The following ST8SIA1 variants were observed in gnomAD, a reference collection of about 807,000 sequenced individuals.
The protein encoded by ST8SIA1 is ST8 alpha-N-acetyl-neuraminide alpha-2,8-sialyltransferase 1.
Under a neutral mutation model 35.9 loss-of-function variants are expected in ST8SIA1, and 16 were observed. That is an observed-to-expected ratio of 0.45 (90% CI 0.30 to 0.68). The LOEUF (loss-of-function observed/expected upper bound fraction) is 0.68, where lower values mean the gene tolerates loss of function less well. Ranked by LOEUF, ST8SIA1 falls within the 30% of genes least tolerant of loss-of-function variation. The probability of loss-of-function intolerance (pLI) is 0.09; values close to 1 mark genes in which losing one functional copy is unlikely to be tolerated. For missense variants in ST8SIA1, 383 were observed against 453.6 expected (o/e 0.84, Z 1.41); for synonymous variants, 170 against 169.6 (o/e 1.00, Z -0.02).
At chr12:22,211,030 T>A (rs570791545) in intron 4 of ST8SIA1, among the ~76,000 whole-genome samples, 20 of 152,188 alleles carry the variant, frequency 1.3e-4, no homozygotes, top group Non-Finnish European at 2.1e-4. Flanking sequence ...CAGCTTGGAG[T>A]TTCTCTGAAC....
chr12:22,328,000 C>T (rs1404413061), intron 1 of ST8SIA1, among the ~76,000 whole-genome samples: 1 of 152,206 alleles, frequency 6.6e-6, no homozygotes, highest in East Asian at 1.9e-4. Context: ...AATTTTCCCC[C>T]CAGGAGGTAT....
intron 3 of ST8SIA1, among the ~76,000 whole-genome samples, chr12:22,249,461 CTGCCCGCCT>C (rs1357195049): frequency 6.6e-6 from 1 of 152,204 alleles, no homozygotes; most frequent in Non-Finnish European, 1.5e-5. Flanking sequence ...ACCTTGTGAT[CTGCCCGCCT>C]TGGCCTCCCA....
Position 22,334,043 on chromosome 12 carries a change from G to C in ST8SIA1, c.190C>G (p.Gln64Glu). ...TGGTTCCTCCTCCACGCCGTGCCCT[G>C]TTGCAGCACCCCCTGCACGATCTCT... ...EKEIVQGVLQ[Q>E]GTAWRRNQTA... is the part of the protein sequence containing the mutation. Residue 64 changes from glutamine (Q) to glutamate (E), a missense_variant, in exon 1 of 5, where the codon CAG (glutamine) becomes GAG (glutamate). Gln to Glu is a conservative substitution (Grantham distance 29). Transcript: ENST00000396037. The C allele has an allele frequency of 6.2e-7, 1 of 1,614,112 alleles. No individual in the cohort carries two copies. Among genetic ancestry groups the C allele is most frequent in the East Asian group, 2.2e-5 (1 of 44,862 alleles).
At chr12:22,204,506 C>G (rs894021380) in intron 4 of ST8SIA1, among the ~76,000 whole-genome samples, 1 of 152,132 alleles carries the variant, frequency 6.6e-6, no homozygotes, top group East Asian at 1.9e-4. Context: ...TATTCCTGTA[C>G]AGAATGGCTC....
intron 1 of ST8SIA1, among the ~76,000 whole-genome samples, chr12:22,316,991 T>C (rs1458075226): frequency 6.6e-6 from 1 of 152,136 alleles, no homozygotes; most frequent in African/African-American, 2.4e-5. Flanking sequence ...TTCATAAATA[T>C]CAGTGTAAAT....
At chr12:22,254,766 C>T (rs111613471) in intron 3 of ST8SIA1, among the ~76,000 whole-genome samples, 1 of 152,166 alleles carries the variant, frequency 6.6e-6, no homozygotes, top group African/African-American at 2.4e-5. Flanking sequence ...CTTTACCAAG[C>T]GTCCCCTCGT....
intron 1 of ST8SIA1, chr12:22,325,983 G>A (rs943891950): frequency 3.1e-6 from 2 of 647,934 alleles, no homozygotes; most frequent in African/African-American, 1.8e-5. Flanking sequence ...GGGACAAAGT[G>A]AAATCTCATC....
chr12:22,215,806 T>C (rs987156426), intron 4 of ST8SIA1, among the ~76,000 whole-genome samples: 2 of 152,184 alleles, frequency 1.3e-5, no homozygotes, highest in Non-Finnish European at 2.9e-5. Flanking sequence ...TTTCCATCTA[T>C]CTATTACAGT....
intron 1 of ST8SIA1, among the ~76,000 whole-genome samples, chr12:22,305,683 G>T (rs574792710): frequency 6.6e-6 from 1 of 152,188 alleles, no homozygotes; most frequent in African/African-American, 2.4e-5. Flanking sequence ...GCCCAGCCTA[G>T]CATACATTTT....
intron 4 of ST8SIA1, among the ~76,000 whole-genome samples, chr12:22,218,103 C>T (rs1362755863): frequency 6.6e-6 from 1 of 152,150 alleles, no homozygotes; most frequent in Non-Finnish European, 1.5e-5. Context: ...GGGGGCAGAT[C>T]ACTTGAGGCC....
At chr12:22,275,432 A>C (rs1032492522) in intron 2 of ST8SIA1, among the ~76,000 whole-genome samples, 4 of 152,094 alleles carry the variant, frequency 2.6e-5, no homozygotes, top group African/African-American at 9.7e-5. Flanking sequence ...GTGCACACCT[A>C]TAGTCCCAGC....
intron 2 of ST8SIA1, among the ~76,000 whole-genome samples, chr12:22,277,049 G>C (rs553411740): frequency 6.6e-6 from 1 of 152,248 alleles, no homozygotes; most frequent in Admixed American, 6.5e-5. Flanking sequence ...CACCCCAGGG[G>C]AATGGTTGGT....
chr12:22,244,030 C>CAA lies in ST8SIA1; in HGVS notation c.584+4974_584+4975dup, dbSNP rs3216629. Among the ~76,000 whole-genome samples, 711 of 147,682 alleles carry CAA rather than the reference C, an allele frequency of 4.8e-3. 6 individuals carry two copies. The highest frequency in any genetic ancestry group is 0.015 in the African/African-American group (612 of 40,042). ...GGGCAACAAGAATGAAATTCTGTCT[C>CAA]AAAAAAAAAAAATGTTTTTATCAAT... On this transcript the variant is annotated intron_variant, in intron 4 of 4. Transcript: ENST00000396037.
chr12:22,317,329 T>A (rs1160557293), intron 1 of ST8SIA1, among the ~76,000 whole-genome samples: 1 of 152,220 alleles, frequency 6.6e-6, no homozygotes, highest in African/African-American at 2.4e-5. Flanking sequence ...TCTATTATGA[T>A]ATAACAAATT....
chr12:22,217,538 C>T (rs1273790831), intron 4 of ST8SIA1, among the ~76,000 whole-genome samples: 1 of 152,136 alleles, frequency 6.6e-6, no homozygotes, highest in African/African-American at 2.4e-5. Flanking sequence ...TATGTCCCGC[C>T]TTTTCCACAG....
chr12:22,248,441 C>T (rs189965478), intron 4 of ST8SIA1, among the ~76,000 whole-genome samples: 118 of 152,056 alleles, frequency 7.8e-4, no homozygotes, highest in African/African-American at 2.8e-3. Context: ...TCCAAGATTC[C>T]AGGCAATTTC....
chr12:22,313,940 C>T (rs1866483782), intron 1 of ST8SIA1, among the ~76,000 whole-genome samples: 1 of 151,972 alleles, frequency 6.6e-6, no homozygotes, highest in Admixed American at 6.6e-5. Flanking sequence ...ATTTTGGTTG[C>T]ATTTGTTCCA....
intron 4 of ST8SIA1, among the ~76,000 whole-genome samples, chr12:22,246,210 T>C (rs1169361175): frequency 6.6e-6 from 1 of 152,114 alleles, no homozygotes; most frequent in Non-Finnish European, 1.5e-5. Flanking sequence ...CTGTGGGATC[T>C]GACACTATCT....
chr12:22,291,909 T>A (rs973395253), intron 1 of ST8SIA1, among the ~76,000 whole-genome samples: 12 of 152,192 alleles, frequency 7.9e-5, no homozygotes, highest in Non-Finnish European at 1.8e-4. Flanking sequence ...GTCTGGAATA[T>A]AACCTTAGGA....
Sources: gnomAD v4.1 joint callset for allele counts (sites outside exome capture counted in the v4.1 genomes callset) on GRCh38, gnomAD v4.1.1 for gene constraint, MANE v1.5 for transcripts, NCBI Gene and HGNC (gene_info 2026-07-23, HGNC 2026-07-21) for gene names.